Variants in FHIT observed in about 807,000 individuals in gnomAD.
FHIT encodes bis(5'-adenosyl)-triphosphatase.
FHIT carries 19 observed loss-of-function variants against 17.9 expected under a neutral mutation model. The observed-to-expected ratio is 1.06, with a 90% CI of 0.74 to 1.56. The LOEUF (loss-of-function observed/expected upper bound fraction) is 1.56. Among genes scored for constraint, FHIT ranks in the 40% most tolerant of loss-of-function variants. The pLI, the probability that FHIT is intolerant of heterozygous loss-of-function variation, is 0.00. For synonymous variants in FHIT, 81 were observed against 69.7 expected, an observed-to-expected ratio of 1.16 and a Z score of -0.81; for missense variants, 248 against 189.2, an observed-to-expected ratio of 1.31 and a Z score of -1.82.
chr3:60,103,556 G>A (rs1312280663), intron 5 of FHIT, among the ~76,000 whole-genome samples: 1 of 152,126 alleles, frequency 6.6e-6, no homozygotes, highest in Non-Finnish European at 1.5e-5. Flanking sequence ...AAAACAAGTA[G>A]AAGGTAAGGA....
intron 6 of FHIT, among the ~76,000 whole-genome samples, chr3:60,012,342 C>A (rs531824115): frequency 6.8e-6 from 1 of 146,544 alleles, no homozygotes; most frequent in Non-Finnish European, 1.5e-5. Flanking sequence ...GATGGCGGCT[C>A]ACTGCACCCT....
intron 5 of FHIT, among the ~76,000 whole-genome samples, chr3:60,502,429 A>G (rs1457214338): frequency 6.6e-6 from 1 of 152,164 alleles, no homozygotes; most frequent in African/African-American, 2.4e-5. Context: ...ATCAGTAATA[A>G]AAATCATTGG....
At chr3:59,915,381 G>T (rs140288587) in intron 8 of FHIT, among the ~76,000 whole-genome samples, 55 of 152,264 alleles carry the variant, frequency 3.6e-4, no homozygotes, top group Non-Finnish European at 7.4e-4. Flanking sequence ...GCGATTGAAC[G>T]TATTCAAACA....
At chr3:60,373,629 T>C (rs985709372) in intron 5 of FHIT, among the ~76,000 whole-genome samples, 1 of 152,158 alleles carries the variant, frequency 6.6e-6, no homozygotes, top group Admixed American at 6.5e-5. Context: ...CAGACTCATC[T>C]TGGTGGTAGT....
intron 2 of FHIT, among the ~76,000 whole-genome samples, chr3:61,055,447 T>C (rs1190364278): frequency 6.6e-6 from 1 of 152,194 alleles, no homozygotes; most frequent in East Asian, 1.9e-4. Flanking sequence ...AGGTTAGTCA[T>C]AGAGAATTCA....
chr3:60,857,947 T>A (rs559527961), intron 3 of FHIT, among the ~76,000 whole-genome samples: 1 of 152,152 alleles, frequency 6.6e-6, no homozygotes, highest in Non-Finnish European at 1.5e-5. Context: ...ATAAATCAAC[T>A]GGATCACTAG....
intron 7 of FHIT, among the ~76,000 whole-genome samples, chr3:59,963,580 T>C (rs1403580284): frequency 1.3e-5 from 2 of 152,188 alleles, no homozygotes; most frequent in Non-Finnish European, 2.9e-5. Flanking sequence ...GCGCCTAACA[T>C]GTTTCACGTA....
intron 3 of FHIT, among the ~76,000 whole-genome samples, chr3:61,004,900 T>C (rs562915424): frequency 3.3e-5 from 5 of 152,242 alleles, no homozygotes; most frequent in Admixed American, 2.6e-4. Context: ...AGTAAGTAAA[T>C]GAGAAATGTA....
chr3:60,054,346 G>C (rs185506391), intron 5 of FHIT, among the ~76,000 whole-genome samples: 1 of 152,182 alleles, frequency 6.6e-6, no homozygotes, highest in Non-Finnish European at 1.5e-5. Flanking sequence ...CTTTATGTGT[G>C]TGAGATAAAT....
intron 5 of FHIT, among the ~76,000 whole-genome samples, chr3:60,140,477 AGTAACATT>A (rs1699994246): frequency 6.6e-6 from 1 of 152,070 alleles, no homozygotes; most frequent in Non-Finnish European, 1.5e-5. Flanking sequence ...GTGGCAAGAT[AGTAACATT>A]GTATGGCCAA....
chr3:61,250,102 C>A (rs2040581715), intron 1 of FHIT, among the ~76,000 whole-genome samples: 2 of 152,200 alleles, frequency 1.3e-5, no homozygotes, highest in Admixed American at 6.5e-5. Context: ...CCGAGTCAAG[C>A]GGCTGCTCTA....
intron 3 of FHIT, among the ~76,000 whole-genome samples, chr3:61,000,414 G>A (rs967573963): frequency 6.6e-6 from 1 of 152,162 alleles, no homozygotes; most frequent in Non-Finnish European, 1.5e-5. Flanking sequence ...ACAATGGTAA[G>A]ACATTAAAAG....
At chr3:60,646,567 C>T (rs1170239790) in intron 4 of FHIT, among the ~76,000 whole-genome samples, 1 of 151,898 alleles carries the variant, frequency 6.6e-6, no homozygotes, top group East Asian at 1.9e-4. Context: ...GATTCATCAG[C>T]CAAAAAGAAT....
intron 2 of FHIT, among the ~76,000 whole-genome samples, chr3:61,124,463 T>G (rs1222373645): frequency 6.6e-6 from 1 of 152,132 alleles, no homozygotes; most frequent in Non-Finnish European, 1.5e-5. Context: ...TTGTAGTGTT[T>G]GTCAGTTTTC....
At chr3:61,052,936 A>G (rs941160793) in intron 2 of FHIT, among the ~76,000 whole-genome samples, 1 of 152,226 alleles carries the variant, frequency 6.6e-6, no homozygotes, top group Admixed American at 6.5e-5. Context: ...TCCAAAGTCA[A>G]CAAAAATAAA....
At chr3:60,093,681 C>T (rs1033389441) in intron 5 of FHIT, among the ~76,000 whole-genome samples, 36 of 152,202 alleles carry the variant, frequency 2.4e-4, no homozygotes, top group Non-Finnish European at 4.1e-4. Flanking sequence ...GCATTCATTT[C>T]TCACAGGAGC....
chr3:60,568,172 G>C (rs1444438971), intron 4 of FHIT, among the ~76,000 whole-genome samples: 1 of 152,106 alleles, frequency 6.6e-6, no homozygotes, highest in Non-Finnish European at 1.5e-5. Flanking sequence ...GTTTATTGCG[G>C]CACTACTCAC....
At chr3:60,182,655 A>T (rs1333942479) in intron 5 of FHIT, among the ~76,000 whole-genome samples, 1 of 151,884 alleles carries the variant, frequency 6.6e-6, no homozygotes, top group Admixed American at 6.6e-5. Context: ...CAGCAGCACA[A>T]ACCTGTAGTC....
At chr3:60,854,554 T>C (rs1426164115) in intron 3 of FHIT, among the ~76,000 whole-genome samples, 3 of 53,890 alleles carry the variant, frequency 5.6e-5, no homozygotes, top group Non-Finnish European at 1.1e-4. Flanking sequence ...AGCCTACTTC[T>C]ATTTTTTTTT....
Sources: gnomAD v4.1 joint callset for allele counts (sites outside exome capture counted in the v4.1 genomes callset) on GRCh38, gnomAD v4.1.1 for gene constraint, MANE v1.5 for transcripts, NCBI Gene and HGNC (gene_info 2026-07-23, HGNC 2026-07-21) for gene names.